The following RIC3 variants were observed in gnomAD, a reference collection of about 807,000 sequenced individuals.
RIC3 encodes RIC3 acetylcholine receptor chaperone, also known as protein RIC-3.
A neutral mutation model predicts 27.3 loss-of-function variants in RIC3; 28 were observed. The ratio of observed to expected loss-of-function variants is 1.02; its 90% CI spans 0.76 to 1.41. The LOEUF (loss-of-function observed/expected upper bound fraction) is 1.41, where lower values mean the gene tolerates loss of function less well. RIC3 is among the 40% of genes most tolerant of loss of function. RIC3 has a pLI of 0.00. For missense variants in RIC3, 501 were observed against 444.7 expected (o/e 1.13, Z -1.14); for synonymous variants, 184 against 160.4 (o/e 1.15, Z -1.11).
intron 5 of RIC3, among the ~76,000 whole-genome samples, chr11:8,123,992 G>A (rs931348793): frequency 1.3e-5 from 2 of 150,724 alleles, no homozygotes; most frequent in African/African-American, 4.9e-5. Flanking sequence ...GGTTGCTTGA[G>A]CCCAGGAGAT....
rs571321428 is a variant in RIC3, at chr11:8,132,972, A to G, written c.521+4406T>C. Reference sequence around the variant, plus strand: ...TGTAGAAACATGGTGCTATGGTTTGAATATTTGTCTCCTCCTATACTCATG... The same window carrying G: ...TGTAGAAACATGGTGCTATGGTTTGGATATTTGTCTCCTCCTATACTCATG... On this transcript the variant is annotated intron_variant, in intron 4 of 5. Transcript: ENST00000309737. Among the ~76,000 whole-genome samples, 23 of 152,308 alleles carry G rather than the reference A, an allele frequency of 1.5e-4. No individual in the cohort carries two copies. The South Asian group carries it at 4.6e-3, about 30-fold the overall frequency.
At chr11:8,153,030 G>A (rs890161407) in intron 1 of RIC3, among the ~76,000 whole-genome samples, 1 of 152,124 alleles carries the variant, frequency 6.6e-6, no homozygotes, top group Non-Finnish European at 1.5e-5. Flanking sequence ...TGTTAGAACT[G>A]ATTAAAGAAG....
At chr11:8,101,103 G>T, downstream of RIC3, 1 of 1,357,830 alleles carries the variant, frequency 7.4e-7, no homozygotes, top group Non-Finnish European at 1.0e-6. Flanking sequence ...GTTTAAGAAT[G>T]TGAGCTATAC....
At chr11:8,140,322 A>G in intron 1 of RIC3, 129 bp from the exon 2 acceptor site, 6 of 779,486 alleles carry the variant, frequency 7.7e-6, no homozygotes, top group Non-Finnish European at 1.0e-5. Flanking sequence ...CAACTTAATT[A>G]AAAGGATACA....
At chr11:8,140,243 C>CT (rs753859750) in intron 1 of RIC3, 50 bp from the exon 2 acceptor site, 7 of 1,517,946 alleles carry the variant, frequency 4.6e-6, no homozygotes, top group Non-Finnish European at 6.2e-6. Flanking sequence ...TTAAAGATGG[C>CT]TATCATGAAA....
the RIC3 span, chr11:8,095,448 C>A: frequency 3.2e-6 from 5 of 1,553,046 alleles, no homozygotes; most frequent in South Asian, 2.4e-5. Context: ...AGAATCCAGG[C>A]CCTCCTCTCC....
intron 1 of RIC3, among the ~76,000 whole-genome samples, chr11:8,149,259 T>C (rs983896218): frequency 1.8e-4 from 28 of 151,642 alleles, no homozygotes; most frequent in African/African-American, 6.8e-4. Flanking sequence ...TGGAGTCAAT[T>C]ACTGAAGGGA....
chr11:8,166,470 G>A (rs1951706002), intron 1 of RIC3, among the ~76,000 whole-genome samples: 1 of 152,168 alleles, frequency 6.6e-6, no homozygotes, highest in African/African-American at 2.4e-5. Context: ...CAAATACTCA[G>A]GGTTATTCCT....
At chr11:8,126,557 G>A (rs1590150584) in intron 5 of RIC3, 102 bp downstream of exon 5, 2 of 1,349,534 alleles carry the variant, frequency 1.5e-6, no homozygotes, top group Admixed American at 2.2e-5. Flanking sequence ...TAATATTACT[G>A]TTTATATATT....
At chr11:8,138,490 T>TA (rs1948662938) in intron 2 of RIC3, 143 bp from the exon 3 acceptor site, 32 of 413,616 alleles carry the variant, frequency 7.7e-5, no homozygotes, top group South Asian at 1.6e-4. Flanking sequence ...GAGAAATAGC[T>TA]CAAAAAAAAA....
intron 1 of RIC3, among the ~76,000 whole-genome samples, chr11:8,144,609 G>A (rs1012234349): frequency 3.3e-5 from 5 of 151,892 alleles, no homozygotes; most frequent in African/African-American, 1.2e-4. Flanking sequence ...AACCATTGTG[G>A]AAGTCAGTGT....
rs112137743 is a variant in RIC3, at chr11:8,121,137, C to T, written c.670+5522G>A. 7.5e-3 allele frequency among the ~76,000 whole-genome samples: 1,141 copies of T among 152,016 alleles called. 6 individuals are homozygous for T. The highest frequency in any genetic ancestry group is 0.011 in the Non-Finnish European group (779 of 67,984). ...ATGTGGCCTAGGAATTTAATGCTGC[C>T]GTTAAGAAATGACACTTAAAACAGA... On this transcript the variant is annotated intron_variant, in intron 5 of 5. Transcript: ENST00000309737.
chr11:8,128,125 C>T, intron 4 of RIC3: 1 of 452,534 alleles, frequency 2.2e-6, no homozygotes, highest in Non-Finnish European at 4.4e-6. Flanking sequence ...CCTGACTCTC[C>T]ACAACTGCTC....
At chr11:8,093,822 A>T in the RIC3 span, among the ~76,000 whole-genome samples, 1 of 152,062 alleles carries the variant, frequency 6.6e-6, no homozygotes, top group East Asian at 1.9e-4. Context: ...ACTTGATTAC[A>T]CTGGGCTGGG....
In RIC3 at chr11:8,108,830, C is replaced by G. The variant is rs1254170609; in HGVS notation, c.*1868G>C. 6.6e-6 allele frequency: 1 copy of G among 152,216 alleles called. No individual in the cohort carries two copies. Among genetic ancestry groups the G allele is most frequent in the Non-Finnish European group, 1.5e-5 (1 of 68,036 alleles). 9.4% of individuals were successfully genotyped at this position (152,216 alleles called of 1,614,324 possible). A position where few individuals can be genotyped will look rare whatever the true frequency, so the allele number is the denominator to read the frequency against. On this transcript the variant is annotated 3_prime_UTR_variant, in exon 6 of 6. Coordinates refer to ENST00000309737, the MANE Select transcript of RIC3 (RefSeq NM_001206671.4). ...TAGAAGAGAACAGCAGTATTTATCT[C>G]TAATAAGGGAATCCTATCCTAAGGC...
the RIC3 span, chr11:8,094,031 A>G: frequency 6.2e-7 from 1 of 1,613,956 alleles, no homozygotes; most frequent in Non-Finnish European, 8.5e-7. Flanking sequence ...CCATCTGGGG[A>G]TGTTTCCTGA....
At chr11:8,134,341 C>T (rs190722936) in intron 4 of RIC3, among the ~76,000 whole-genome samples, 70 of 152,312 alleles carry the variant, frequency 4.6e-4, no homozygotes, top group Middle Eastern at 3.4e-3. Context: ...TTTTTTATGG[C>T]TGCATAGTAT....
intron 4 of RIC3, among the ~76,000 whole-genome samples, chr11:8,130,851 A>C (rs546483809): frequency 1.3e-5 from 2 of 152,270 alleles, no homozygotes; most frequent in Non-Finnish European, 2.9e-5. Context: ...AGGAACAGCA[A>C]GTGGTCAGTG....
At chr11:8,166,363 T>C (rs976900759) in intron 1 of RIC3, among the ~76,000 whole-genome samples, 1 of 152,190 alleles carries the variant, frequency 6.6e-6, no homozygotes, top group Non-Finnish European at 1.5e-5. Flanking sequence ...TAAAAGACTA[T>C]CTTAAAGGCT....
Sources: gnomAD v4.1 joint callset for allele counts (sites outside exome capture counted in the v4.1 genomes callset) on GRCh38, gnomAD v4.1.1 for gene constraint, MANE v1.5 for transcripts, NCBI Gene and HGNC (gene_info 2026-07-23, HGNC 2026-07-21) for gene names.